Variants in NR1H4 observed in about 807,000 individuals in gnomAD.
NR1H4 encodes nuclear receptor subfamily 1 group H member 4.
In NR1H4, 23 loss-of-function variants were observed where a neutral mutation model predicts 58.5. The observed-to-expected ratio is 0.39, with a 90% CI of 0.28 to 0.56. The LOEUF is 0.56. NR1H4 is among the 20% of genes least tolerant of loss of function. The pLI is 0.58. For missense variants in NR1H4, 487 were observed against 576.9 expected, an observed-to-expected ratio of 0.84 and a Z score of 1.60; for synonymous variants, 214 against 198.0, an observed-to-expected ratio of 1.08 and a Z score of -0.68.
intron 9 of NR1H4, among the ~76,000 whole-genome samples, chr12:100,542,224 G>A (rs759683515): frequency 6.6e-6 from 1 of 152,128 alleles, no homozygotes; most frequent in Non-Finnish European, 1.5e-5. Flanking sequence ...GTACGTGCCT[G>A]TAATCCCAGT....
chr12:100,502,986 T>C (rs759863688), intron 3 of NR1H4, among the ~76,000 whole-genome samples: 9 of 152,194 alleles, frequency 5.9e-5, no homozygotes, highest in Non-Finnish European at 1.3e-4. Flanking sequence ...CAATTCAAGA[T>C]GAGATTTGGG....
In NR1H4 at chr12:100,563,500, A is replaced by AG; in HGVS notation, c.*15dup. 6.3e-7 allele frequency: 1 copy of AG among 1,595,630 alleles called. No homozygotes were observed. The highest frequency in any genetic ancestry group is 8.6e-7 in the Non-Finnish European group (1 of 1,163,108). ...TGGGACGTGCAGTGATGGGGATTAC[A>AG]GGGGAGGGGTCTAGCTCCTTTTTCT... On this transcript the variant is annotated 3_prime_UTR_variant, in exon 11 of 11. Coordinates refer to ENST00000392986, the MANE Select transcript of NR1H4 (RefSeq NM_001206979.2).
In NR1H4 at chr12:100,495,880, G is replaced by A. The variant is rs1475235480; in HGVS notation, c.79+2478G>A. 5.9e-5 allele frequency among the ~76,000 whole-genome samples: 9 copies of A among 152,124 alleles called. 1 individual carries two copies. The South Asian group carries it at 1.2e-3, about 21-fold the overall frequency. On this transcript the variant is annotated intron_variant, in intron 3 of 10. Coordinates refer to ENST00000392986, the MANE Select transcript of NR1H4 (RefSeq NM_001206979.2). ...TATGGCCCCTTCATGTGCGTAGGGT[G>A]GAAGGCACCAGGGAAAAGACTGGCC...
chr12:100,545,663 A>AAC (rs1726636516), intron 9 of NR1H4, among the ~76,000 whole-genome samples: 4 of 147,790 alleles, frequency 2.7e-5, no homozygotes, highest in African/African-American at 7.8e-5. Flanking sequence ...AAAAAAAAAA[A>AAC]AAAAAACCAA....
chr12:100,504,060 T>TA (rs565696443), intron 3 of NR1H4, among the ~76,000 whole-genome samples: 89 of 145,458 alleles, frequency 6.1e-4, no homozygotes, highest in Admixed American at 2.6e-3. Flanking sequence ...TAGGTTGTGG[T>TA]AAAAAAAAAA....
At chr12:100,487,595 C>CTTTTTTTTTTTT (rs34694873) in intron 1 of NR1H4, among the ~76,000 whole-genome samples, 2 of 115,984 alleles carry the variant, frequency 1.7e-5, no homozygotes, top group African/African-American at 3.1e-5. Flanking sequence ...TCTTCTTCTT[C>CTTTTTTTTTTTT]TTTTTTTTTT....
intron 1 of NR1H4, among the ~76,000 whole-genome samples, chr12:100,487,393 G>C (rs1205238443): frequency 6.6e-6 from 1 of 151,986 alleles, no homozygotes; most frequent in Non-Finnish European, 1.5e-5. Context: ...CTTAAAGTTG[G>C]GGTTTTATTA....
At chr12:100,480,181 C>T (rs977591352) in intron 1 of NR1H4, among the ~76,000 whole-genome samples, 2 of 152,146 alleles carry the variant, frequency 1.3e-5, no homozygotes, top group Admixed American at 1.3e-4. Context: ...CCTGATGGCA[C>T]CTGTGCTTAG....
chr12:100,535,659 C>T (rs976243099), intron 6 of NR1H4, among the ~76,000 whole-genome samples: 7 of 152,192 alleles, frequency 4.6e-5, no homozygotes, highest in African/African-American at 1.4e-4. Flanking sequence ...ACATTATTGA[C>T]AAAGAAAACT....
chr12:100,510,873 C>A lies in NR1H4; in HGVS notation c.175C>A (p.Pro59Thr). 6.2e-7 allele frequency: 1 copy of A among 1,614,170 alleles called. No individual in the cohort carries two copies. The highest frequency in any genetic ancestry group is 8.5e-7 in the Non-Finnish European group (1 of 1,180,038). The change falls in exon 4 of 11, where the codon CCA (proline) becomes ACA (threonine). Residue 59 changes from proline to threonine, a missense_variant. Transcript: ENST00000392986. ...YSNVQFPQVQ[P>T]QISSSSYYSN... Reference sequence around the variant, plus strand: ...CAATGTTCAGTTTCCCCAAGTTCAACCACAGATTTCCTCGTCATCCTATTA... The same window carrying A: ...CAATGTTCAGTTTCCCCAAGTTCAAACACAGATTTCCTCGTCATCCTATTA...
chr12:100,489,739 G>A (rs1272952645), intron 1 of NR1H4, among the ~76,000 whole-genome samples: 3 of 152,106 alleles, frequency 2.0e-5, no homozygotes, highest in Non-Finnish European at 4.4e-5. Context: ...ATTGTATTTA[G>A]GTAAGGAAAA....
chr12:100,544,375 G>T (rs1442247518), intron 9 of NR1H4, among the ~76,000 whole-genome samples: 1 of 151,986 alleles, frequency 6.6e-6, no homozygotes, highest in African/African-American at 2.4e-5. Context: ...CTACTCTAGG[G>T]AATGTGTGTT....
chr12:100,562,294 G>C (rs1307428099), intron 10 of NR1H4, among the ~76,000 whole-genome samples: 2 of 152,132 alleles, frequency 1.3e-5, no homozygotes, highest in Non-Finnish European at 2.9e-5. Context: ...TTGCATTCTG[G>C]TAGGATGAGA....
At chr12:100,535,899 CT>C (rs1263463999) in intron 6 of NR1H4, among the ~76,000 whole-genome samples, 2 of 152,098 alleles carry the variant, frequency 1.3e-5, no homozygotes, top group East Asian at 1.9e-4. Context: ...GGTTGACAAA[CT>C]TTTTTTCTTT....
At chr12:100,503,359 C>A in intron 3 of NR1H4, 1 of 1,589,724 alleles carries the variant, frequency 6.3e-7, no homozygotes, top group South Asian at 1.1e-5. Flanking sequence ...TACCTAGTCT[C>A]ATTTTCAGTG....
At chr12:100,552,405 G>C (rs1026906005) in intron 9 of NR1H4, among the ~76,000 whole-genome samples, 3 of 152,096 alleles carry the variant, frequency 2.0e-5, no homozygotes, top group Admixed American at 1.3e-4. Flanking sequence ...TGACTCCCTG[G>C]GGAAAGTTTA....
intron 9 of NR1H4, among the ~76,000 whole-genome samples, chr12:100,560,687 C>T (rs149025915): frequency 0.015 from 2,222 of 152,282 alleles, 61 homozygotes; most frequent in African/African-American, 0.051. Flanking sequence ...AAGGACCCAC[C>T]AATTCCGGAC....
At position 100,493,399 on chromosome 12, in the gene NR1H4, T is replaced by C. The variant is rs1025105150; in HGVS notation, c.76T>C (p.Phe26Leu). The C allele has an allele frequency of 1.0e-5, 15 of 1,449,698 alleles. No homozygotes were observed. Among genetic ancestry groups the C allele is most frequent in the Admixed American group, 1.8e-5 (1 of 55,746 alleles). The allele number at this position is 1,449,698 out of a possible 1,614,324, so 89.8% of individuals were successfully genotyped here. A position where few individuals can be genotyped will look rare whatever the true frequency, so the allele number is the denominator to read the frequency against. ...TGAATTTTCTTTTTCTGAAAATTTA[T>C]TTGGTAAGTTGTCAAGTTCATTTGA... is the stretch of plus-strand genomic sequence containing the variant. The part of the protein sequence containing the change: ...TDEFSFSENL[F>L]GVLTEQVAGP... Residue 26 changes from phenylalanine (F) to leucine (L), a missense_variant, in exon 3 of 11, where the codon TTT becomes CTT. Coordinates refer to ENST00000392986, the MANE Select transcript of NR1H4 (RefSeq NM_001206979.2).
At chr12:100,513,923 A>T (rs1031026507) in intron 4 of NR1H4, among the ~76,000 whole-genome samples, 19 of 152,228 alleles carry the variant, frequency 1.2e-4, no homozygotes, top group African/African-American at 4.6e-4. Context: ...TAAAATAAAC[A>T]AAAATAAAAC....
Sources: allele counts gnomAD v4.1 joint callset (sites outside exome capture counted in the v4.1 genomes callset), GRCh38; gene constraint gnomAD v4.1.1; transcripts MANE v1.5; gene names NCBI Gene and HGNC (gene_info 2026-07-23, HGNC 2026-07-21).